The following SLC16A10 variants were observed in gnomAD, a reference collection of about 807,000 sequenced individuals.
SLC16A10 encodes monocarboxylate transporter 10.
SLC16A10 carries 27 observed loss-of-function variants against 40.0 expected under a neutral mutation model. That is an observed-to-expected ratio of 0.67 (90% CI 0.50 to 0.93). The LOEUF (loss-of-function observed/expected upper bound fraction) is 0.93, where lower values mean the gene tolerates loss of function less well. Among genes scored for constraint, SLC16A10 ranks in the 40% least tolerant of loss-of-function variants. The pLI is 0.00. For missense variants in SLC16A10, 529 were observed against 658.2 expected, an observed-to-expected ratio of 0.80 and a Z score of 2.15; for synonymous variants, 213 against 249.8, an observed-to-expected ratio of 0.85 and a Z score of 1.39.
rs1427501650 is a variant in SLC16A10, at chr6:111,229,767, C to G, written c.*7532C>G. On this transcript the variant is annotated 3_prime_UTR_variant, in exon 6 of 6. Transcript: ENST00000368851. ...TCAGGTCTATGATTTATCAAGGGCT[C>G]TCAGCACCATCGTTGGTCTGATTGT... is the stretch of plus-strand genomic sequence containing the variant. The G allele has an allele frequency of 6.6e-6, 1 of 152,128 alleles. No individual in the cohort carries two copies. The highest frequency in any genetic ancestry group is 2.4e-5 in the African/African-American group (1 of 41,418). The allele number at this position is 152,128 out of a possible 1,614,324, so 9.4% of individuals were successfully genotyped here. A position where few individuals can be genotyped will look rare whatever the true frequency, so the allele number is the denominator to read the frequency against.
intron 3 of SLC16A10, among the ~76,000 whole-genome samples, chr6:111,198,766 C>T (rs1400008396): frequency 6.6e-6 from 1 of 152,194 alleles, no homozygotes; most frequent in Non-Finnish European, 1.5e-5. Flanking sequence ...ATAACCCACA[C>T]CTACCTGTTC....
chr6:111,120,210 C>T (rs1771559889), intron 1 of SLC16A10, among the ~76,000 whole-genome samples: 1 of 152,170 alleles, frequency 6.6e-6, no homozygotes. Flanking sequence ...TTCCATTTCT[C>T]CTTTTTCTGT....
chr6:111,166,009 G>A (rs1157742386), intron 1 of SLC16A10, among the ~76,000 whole-genome samples: 1 of 152,132 alleles, frequency 6.6e-6, no homozygotes, highest in Non-Finnish European at 1.5e-5. Flanking sequence ...TGACCAGTTT[G>A]CATGGCTGGC....
chr6:111,210,860 A>G (rs763401677), intron 4 of SLC16A10, among the ~76,000 whole-genome samples: 9 of 152,056 alleles, frequency 5.9e-5, no homozygotes, highest in Non-Finnish European at 1.3e-4. Context: ...CATCTCTACT[A>G]TAATTACAAA....
Position 111,182,332 on chromosome 6 carries a change from TC to T in SLC16A10, c.942+4669del, listed in dbSNP as rs66912022. Among the ~76,000 whole-genome samples, 547 of 132,880 alleles carry T rather than the reference TC, an allele frequency of 4.1e-3. 10 individuals carry two copies. Among genetic ancestry groups the T allele is most frequent in the African/African-American group, 0.013 (455 of 36,326 alleles). The allele number at this position is 132,880 out of a possible 152,430, so 87.2% of individuals were successfully genotyped here. On this transcript the variant is annotated intron_variant, in intron 3 of 5. Transcript: ENST00000368851. ...TTTCTTTTTTTTTTTTTTTTTTTTT[TC>T]CTTTTTAACGGCTCCTCTGACTCCT...
chr6:111,130,977 G>A (rs546126688), intron 1 of SLC16A10, among the ~76,000 whole-genome samples: 9 of 152,222 alleles, frequency 5.9e-5, no homozygotes, highest in Non-Finnish European at 1.3e-4. Flanking sequence ...AGGATTAAAT[G>A]AGTGAGTATT....
rs945113767 is a variant in SLC16A10 at position 111,226,439 on chromosome 6, T to G, written c.*4204T>G. On this transcript the variant is annotated 3_prime_UTR_variant, in exon 6 of 6. Coordinates refer to ENST00000368851, the MANE Select transcript of SLC16A10 (RefSeq NM_018593.5). Reference sequence around the variant, plus strand: ...GAGATACAAGTAGAAATGCATAAGCTAATTAGCTCCAATTTTATAATATGT... The same window carrying G: ...GAGATACAAGTAGAAATGCATAAGCGAATTAGCTCCAATTTTATAATATGT... The G allele has an allele frequency of 2.6e-5, 4 of 152,214 alleles. No individual in the cohort carries two copies. Among genetic ancestry groups the G allele is most frequent in the African/African-American group, 9.7e-5 (4 of 41,450 alleles). 9.4% of individuals were successfully genotyped at this position (152,214 alleles called of 1,614,324 possible).
At chr6:111,092,842 C>T (rs1771005323) in intron 1 of SLC16A10, among the ~76,000 whole-genome samples, 1 of 151,178 alleles carries the variant, frequency 6.6e-6, no homozygotes, top group Non-Finnish European at 1.5e-5. Context: ...GAGATTGAGA[C>T]CAGCCTGGCC....
chr6:111,209,447 T>A (rs531390752), intron 4 of SLC16A10, among the ~76,000 whole-genome samples: 1 of 152,152 alleles, frequency 6.6e-6, no homozygotes, highest in South Asian at 2.1e-4. Context: ...CTAAGTATGA[T>A]GATGAATTGG....
chr6:111,129,538 T>C (rs1381019501), intron 1 of SLC16A10, among the ~76,000 whole-genome samples: 1 of 152,246 alleles, frequency 6.6e-6, no homozygotes, highest in Non-Finnish European at 1.5e-5. Flanking sequence ...TCTTGACAAA[T>C]GCTATTTTAG....
chr6:111,222,022 G>A lies in SLC16A10; in HGVS notation c.1335G>A (p.Leu445=), dbSNP rs772507431. The A allele has an allele frequency of 1.3e-5, 21 of 1,605,580 alleles. No homozygotes were observed. The highest frequency in any genetic ancestry group is 1.8e-5 in the Non-Finnish European group (21 of 1,177,822). Reference sequence around the variant, plus strand: ...TCTCAGGGTTACTTCGTGACAAACTGGGCTCCTATGATGTGGCATTCTACC... The same window carrying A: ...TCTCAGGGTTACTTCGTGACAAACTAGGCTCCTATGATGTGGCATTCTACC... ...PPIAGLLRDK[L]GSYDVAFYLA... The change falls in exon 6 of 6, where the codon CTG becomes CTA. Residue 445 remains leucine, a synonymous_variant. Coordinates refer to ENST00000368851, the MANE Select transcript of SLC16A10 (RefSeq NM_018593.5).
chr6:111,101,687 A>G (rs1771191664), intron 1 of SLC16A10, among the ~76,000 whole-genome samples: 1 of 152,208 alleles, frequency 6.6e-6, no homozygotes, highest in South Asian at 2.1e-4. Context: ...CCATGGCACG[A>G]TCACGGCTCA....
At chr6:111,207,895 C>G (rs1362901210) in intron 4 of SLC16A10, among the ~76,000 whole-genome samples, 1 of 152,112 alleles carries the variant, frequency 6.6e-6, no homozygotes, top group East Asian at 1.9e-4. Context: ...TACATGAGCT[C>G]TATCCTGCAA....
chr6:111,218,306 G>A (rs115419132), intron 4 of SLC16A10, among the ~76,000 whole-genome samples: 692 of 152,168 alleles, frequency 4.5e-3, no homozygotes, highest in Middle Eastern at 0.014. Flanking sequence ...TCGGCCAGGC[G>A]CTGTGGCTCA....
intron 2 of SLC16A10, 102 bp from the exon 3 acceptor site, chr6:111,177,110 A>G (rs1032248778): frequency 2.6e-6 from 2 of 781,824 alleles, no homozygotes; most frequent in Admixed American, 3.5e-5. Context: ...TGTAGAAAAT[A>G]TGTTGATGAA....
At chr6:111,176,663 A>G (rs1448489687) in intron 2 of SLC16A10, among the ~76,000 whole-genome samples, 1 of 152,238 alleles carries the variant, frequency 6.6e-6, no homozygotes, top group Non-Finnish European at 1.5e-5. Context: ...AACAGGCACA[A>G]CTGCACCTCT....
intron 1 of SLC16A10, among the ~76,000 whole-genome samples, chr6:111,108,855 T>G (rs1771334088): frequency 6.6e-6 from 1 of 152,220 alleles, no homozygotes; most frequent in Non-Finnish European, 1.5e-5. Flanking sequence ...ATTGTTGCCT[T>G]GATAAGCTTC....
intron 3 of SLC16A10, among the ~76,000 whole-genome samples, chr6:111,195,633 T>C (rs1388401204): frequency 1.3e-5 from 2 of 152,150 alleles, no homozygotes; most frequent in East Asian, 1.9e-4. Flanking sequence ...GCCTAAATGG[T>C]GAACCAAATT....
intron 1 of SLC16A10, among the ~76,000 whole-genome samples, chr6:111,171,815 CAA>C (rs11396709): frequency 5.1e-4 from 44 of 86,006 alleles, no homozygotes; most frequent in East Asian, 6.9e-4. Flanking sequence ...GACCTTTTCT[CAA>C]AAAAAAAAAA....
Sources: allele counts gnomAD v4.1 joint callset (sites outside exome capture counted in the v4.1 genomes callset), GRCh38; gene constraint gnomAD v4.1.1; transcripts MANE v1.5; gene names NCBI Gene and HGNC (gene_info 2026-07-23, HGNC 2026-07-21).